Variants in INPP5D observed in about 807,000 individuals in gnomAD.
INPP5D encodes phosphatidylinositol 3,4,5-trisphosphate 5-phosphatase 1.
A neutral mutation model predicts 122.9 loss-of-function variants in INPP5D; 33 were observed. The observed-to-expected ratio is 0.27, with a 90% CI of 0.20 to 0.36. INPP5D has a LOEUF of 0.36. Ranked by LOEUF, INPP5D falls within the 10% of genes least tolerant of loss-of-function variation. INPP5D has a pLI of 1.00. For synonymous variants in INPP5D, 584 were observed against 576.2 expected (o/e 1.01, Z -0.19); for missense variants, 1,053 against 1,412.7 (o/e 0.75, Z 4.08).
chr2:233,095,295 G>A (rs1252973879), intron 2 of INPP5D, among the ~76,000 whole-genome samples: 3 of 152,146 alleles, frequency 2.0e-5, no homozygotes, highest in Admixed American at 6.5e-5. Flanking sequence ...TTAGAGATAG[G>A]ATCTCACTGT....
At chr2:233,076,949 G>A (rs965198393) in intron 1 of INPP5D, among the ~76,000 whole-genome samples, 13 of 152,180 alleles carry the variant, frequency 8.5e-5, no homozygotes, top group Admixed American at 7.2e-4. Flanking sequence ...AAGACAGTTG[G>A]TACAGTTGGT....
chr2:233,206,938 G>T lies in INPP5D; in HGVS notation c.*230G>T. 1.9e-6 allele frequency: 1 copy of T among 521,878 alleles called. No individual in the cohort carries two copies. Among genetic ancestry groups the T allele is most frequent in the East Asian group, 3.4e-5 (1 of 29,356 alleles). 32.3% of individuals were successfully genotyped at this position (521,878 alleles called of 1,614,324 possible). On this transcript the variant is annotated 3_prime_UTR_variant, in exon 27 of 27. Coordinates refer to ENST00000445964, the MANE Select transcript of INPP5D (RefSeq NM_001017915.3). The surrounding 1 kb of genome is among the most constrained non-coding windows in gnomAD (Gnocchi z 4.0). ...ACGCACACCAGACGGGCAACAAACA[G>T]TCTGGGTCCCCAGCTCGCTCTTGGT...
At chr2:233,106,037 C>T (rs1384231821) in intron 2 of INPP5D, among the ~76,000 whole-genome samples, 1 of 152,154 alleles carries the variant, frequency 6.6e-6, no homozygotes, top group East Asian at 1.9e-4. Flanking sequence ...CCTTATCTCT[C>T]GCAGCCTCAG....
At position 233,130,667 on chromosome 2, in the gene INPP5D, G is replaced by A; in HGVS notation, c.665+19G>A. ...TCTATGGGTAATGGCTGGCCCACGG[G>A]GGCGGGCAGGTGGGGGCGGCCACCA... is the stretch of plus-strand genomic sequence containing the variant. On this transcript the variant is annotated intron_variant, in intron 5 of 26. Transcript: ENST00000445964. 2 of 1,613,622 alleles carry A rather than the reference G, an allele frequency of 1.2e-6. No homozygotes were observed. The highest frequency in any genetic ancestry group is 1.7e-6 in the Non-Finnish European group (2 of 1,179,672).
intron 18 of INPP5D, among the ~76,000 whole-genome samples, 152 bp from the exon 19 acceptor site, chr2:233,182,258 T>A (rs1158427457): frequency 6.6e-6 from 1 of 152,206 alleles, no homozygotes; most frequent in East Asian, 1.9e-4. Flanking sequence ...CTGAACCCTT[T>A]AAGCATTGCT....
At chr2:233,079,887 C>T (rs945377480) in intron 2 of INPP5D, among the ~76,000 whole-genome samples, 1 of 152,184 alleles carries the variant, frequency 6.6e-6, no homozygotes, top group African/African-American at 2.4e-5. Context: ...CATCTGATTT[C>T]ACCAAGCAAA....
In INPP5D at chr2:233,189,245, C is replaced by T. The variant is rs1014220160; in HGVS notation, c.2359-605C>T. Among the ~76,000 whole-genome samples, 8 of 152,196 alleles carry T rather than the reference C, an allele frequency of 5.3e-5. No homozygotes were observed. The highest frequency in any genetic ancestry group is 1.2e-4 in the Non-Finnish European group (8 of 68,040). ...CTTGCTCGCAGATGGAATGTGGGAG[C>T]CTGTGTCTGTCATTCGCTGAGCCAC... On this transcript the variant is annotated intron_variant, in intron 21 of 26. Coordinates refer to ENST00000445964, the MANE Select transcript of INPP5D (RefSeq NM_001017915.3). The surrounding 1 kb of genome is among the most constrained non-coding windows in gnomAD (Gnocchi z 5.6).
At position 233,204,472 on chromosome 2, in the gene INPP5D, A is replaced by C; in HGVS notation, c.3322A>C (p.Thr1108Pro). The change falls in exon 26 of 27, where the codon ACC becomes CCC. Residue 1108 changes from threonine (T) to proline (P), a missense_variant. By Grantham distance (38) the Thr-to-Pro change is conservative (BLOSUM62 -1). Around this residue, in one of 6 missense-constraint regions of INPP5D, gnomAD observed 417 missense variants for 425.8 expected, o/e 0.98. Transcript: ENST00000445964. ...GGACAAGAGCCAAGGGAAGCCCAAG[A>C]CCCCGGTCAGCTCCCAGGCCCCGGT... ...GGDKSQGKPK[T>P]PVSSQAPVPA... 1.3e-6 allele frequency: 2 copies of C among 1,588,846 alleles called. No homozygotes were observed. The highest frequency in any genetic ancestry group is 1.7e-6 in the Non-Finnish European group (2 of 1,168,994).
At position 233,206,753 on chromosome 2, in the gene INPP5D, C is replaced by T. The variant is rs532079401; in HGVS notation, c.*45C>T. The T allele has an allele frequency of 1.3e-5, 10 of 755,484 alleles. No individual in the cohort carries two copies. The highest frequency in any genetic ancestry group is 4.5e-4 in the Middle Eastern group (2 of 4,406). 46.8% of individuals were successfully genotyped at this position (755,484 alleles called of 1,614,324 possible). On this transcript the variant is annotated 3_prime_UTR_variant, in exon 27 of 27. Transcript: ENST00000445964. The surrounding 1 kb of genome is among the most constrained non-coding windows in gnomAD (Gnocchi z 4.0). ...CTGAGTCGGGAGCCCAGAGGAACGG[C>T]GTGAAGCCACTGGACCCTCTCCCGG...
chr2:233,185,954 G>A (rs765449447), intron 21 of INPP5D, 29 bp downstream of exon 21: 3 of 1,564,546 alleles, frequency 1.9e-6, no homozygotes, highest in South Asian at 2.4e-5. Flanking sequence ...ATTCCCCAGA[G>A]GGAGATTTGC....
intron 22 of INPP5D, among the ~76,000 whole-genome samples, chr2:233,190,281 G>A (rs1430681667): frequency 1.3e-5 from 2 of 152,182 alleles, no homozygotes; most frequent in Non-Finnish European, 2.9e-5. Flanking sequence ...TGACTTGCCC[G>A]AGTCATATAG....
chr2:233,170,108 T>C lies in INPP5D; in HGVS notation c.1735T>C (p.Phe579Leu), dbSNP rs1694453261. Residue 579 changes from phenylalanine to leucine, a missense_variant, in exon 15 of 27, where the codon TTC (phenylalanine) becomes CTC (leucine). By Grantham distance (22) the Phe-to-Leu change is conservative. Coordinates refer to ENST00000445964, the MANE Select transcript of INPP5D (RefSeq NM_001017915.3). The surrounding 1 kb of genome is among the most constrained non-coding windows in gnomAD (Gnocchi z 4.5). ...GAGTCCCTTTAACATCACTCACCGCTTCACGCACCTCTTCTGGTTTGGGGA... is the reference window on the plus strand; with the variant it reads ...GAGTCCCTTTAACATCACTCACCGCCTCACGCACCTCTTCTGGTTTGGGGA... ...KLSPFNITHR[F>L]THLFWFGDLN... The C allele has an allele frequency of 8.7e-6, 14 of 1,613,920 alleles. No individual in the cohort carries two copies. The highest frequency in any genetic ancestry group is 1.2e-5 in the Non-Finnish European group (14 of 1,179,906).
At chr2:233,167,362 G>A (rs893566132) in intron 13 of INPP5D, among the ~76,000 whole-genome samples, 1 of 151,592 alleles carries the variant, frequency 6.6e-6, no homozygotes, top group East Asian at 2.0e-4. Flanking sequence ...CACAGACTTT[G>A]TCTCAAATTA....
At chr2:233,157,888 CTT>C (rs36155219) in intron 9 of INPP5D, among the ~76,000 whole-genome samples, 92,941 of 151,516 alleles carry the variant, frequency 0.61, 29,894 homozygotes, top group East Asian at 0.98. Flanking sequence ...TATAGAACAA[CTT>C]GACTCTTTTA....
intron 24 of INPP5D, 75 bp from the exon 25 acceptor site, chr2:233,198,020 A>C (rs1200133038): frequency 9.6e-6 from 14 of 1,456,102 alleles, no homozygotes; most frequent in Non-Finnish European, 1.3e-5. Flanking sequence ...TTATCAGAGG[A>C]CACTTTCCTT....
intron 21 of INPP5D, among the ~76,000 whole-genome samples, chr2:233,186,868 G>A (rs1436022682): frequency 6.6e-6 from 1 of 150,802 alleles, no homozygotes; most frequent in African/African-American, 2.4e-5. Context: ...GACTACAGAT[G>A]TGCACCACCA....
At chr2:233,135,979 C>A (rs146297470) in intron 5 of INPP5D, among the ~76,000 whole-genome samples, 1 of 152,338 alleles carries the variant, frequency 6.6e-6, no homozygotes, top group East Asian at 1.9e-4. Context: ...AAACTAGCCA[C>A]AACCACCCAA....
intron 1 of INPP5D, among the ~76,000 whole-genome samples, chr2:233,069,769 A>G (rs1388858200): frequency 6.6e-6 from 1 of 152,216 alleles, no homozygotes; most frequent in Non-Finnish European, 1.5e-5. Context: ...AGTTATCAAC[A>G]GCATTTTGTT....
chr2:233,108,565 T>C (rs1286681378), intron 2 of INPP5D, among the ~76,000 whole-genome samples: 1 of 152,156 alleles, frequency 6.6e-6, no homozygotes, highest in Non-Finnish European at 1.5e-5. Context: ...TGTTGCCTCC[T>C]TTCTCTCCCC....
Sources: gnomAD v4.1 joint callset for allele counts (sites outside exome capture counted in the v4.1 genomes callset) on GRCh38, gnomAD v4.1.1 for gene constraint, gnomAD v4.1.1 regional missense constraint, Gnocchi (gnomAD v3.1) non-coding constraint, MANE v1.5 for transcripts, NCBI Gene and HGNC (gene_info 2026-07-23, HGNC 2026-07-21) for gene names.